The following ZFHX3 variants were observed in gnomAD, a reference collection of about 807,000 sequenced individuals.
The protein encoded by ZFHX3 is zinc finger homeobox protein 3.
In ZFHX3, 42 loss-of-function variants were observed where a neutral mutation model predicts 279.1. That is an observed-to-expected ratio of 0.15 (90% CI 0.12 to 0.19). The LOEUF (loss-of-function observed/expected upper bound fraction) is 0.19, where lower values mean the gene tolerates loss of function less well. Among genes scored for constraint, ZFHX3 ranks in the 10% least tolerant of loss-of-function variants. ZFHX3 has a pLI of 1.00. For missense variants in ZFHX3, 4,981 were observed against 4,754.0 expected (o/e 1.05, Z -1.40); for synonymous variants, 2,293 against 1,957.8 (o/e 1.17, Z -4.52).
intron 1 of ZFHX3, among the ~76,000 whole-genome samples, chr16:73,754,346 C>T (rs1430366051): frequency 1.3e-5 from 2 of 152,130 alleles, no homozygotes; most frequent in Non-Finnish European, 2.9e-5. Flanking sequence ...GAGGGTGACA[C>T]AGGCTAGAGA....
intron 5 of ZFHX3, among the ~76,000 whole-genome samples, chr16:73,164,694 T>C (rs997342554): frequency 6.3e-5 from 9 of 143,432 alleles, no homozygotes; most frequent in African/African-American, 2.5e-4. Context: ...AGTGAGACTC[T>C]GTTGAAAAAA....
intron 1 of ZFHX3, among the ~76,000 whole-genome samples, chr16:73,042,367 C>T (rs1395018711): frequency 3.3e-5 from 5 of 152,040 alleles, no homozygotes; most frequent in Admixed American, 2.6e-4. Flanking sequence ...AAATGGGCAC[C>T]GGGGACCATC....
intron 2 of ZFHX3, among the ~76,000 whole-genome samples, chr16:73,572,229 T>C (rs1035903324): frequency 2.0e-5 from 3 of 151,828 alleles, no homozygotes; most frequent in Admixed American, 6.6e-5. Context: ...CTGATAACAT[T>C]ACAATAAGGT....
chr16:73,706,292 C>T (rs913535758), intron 1 of ZFHX3, among the ~76,000 whole-genome samples: 7 of 151,908 alleles, frequency 4.6e-5, no homozygotes, highest in African/African-American at 1.7e-4. Context: ...GAAACCCCAT[C>T]TCTCCTAAAG....
intron 1 of ZFHX3, among the ~76,000 whole-genome samples, chr16:73,839,248 G>C (rs935365353): frequency 7.1e-6 from 1 of 141,478 alleles, no homozygotes; most frequent in Non-Finnish European, 1.5e-5. Flanking sequence ...TGTATTCCCA[G>C]CTACTTGGGA....
Position 73,518,043 on chromosome 16 carries a change from C to T in ZFHX3, c.-1546-61785G>A, listed in dbSNP as rs74491274. Reference sequence around the variant, plus strand: ...TCAACGTAAACAAATTATTGAGATGCTAACTTTCTTTGGTGCTAAGTTTTT... The same window carrying T: ...TCAACGTAAACAAATTATTGAGATGTTAACTTTCTTTGGTGCTAAGTTTTT... On this transcript the variant is annotated intron_variant, in intron 2 of 17. Transcript: ENST00000641206. 6.1e-3 allele frequency among the ~76,000 whole-genome samples: 924 copies of T among 152,232 alleles called. 15 individuals are homozygous for T. The highest frequency in any genetic ancestry group is 0.021 in the African/African-American group (860 of 41,542).
intron 5 of ZFHX3, among the ~76,000 whole-genome samples, chr16:73,148,555 CTTTTTTTTTTTTTT>C (rs36018349): frequency 1.3e-4 from 7 of 55,414 alleles, no homozygotes; most frequent in East Asian, 7.4e-4. Context: ...AAATGCTGGG[CTTTTTTTTTTTTTT>C]TTTTTTTTTT....
At chr16:73,650,977 A>C (rs753823657) in intron 2 of ZFHX3, among the ~76,000 whole-genome samples, 7 of 152,246 alleles carry the variant, frequency 4.6e-5, no homozygotes, top group Non-Finnish European at 4.4e-5. Flanking sequence ...TATAAGGCAC[A>C]GTTTATAAGA....
chr16:73,449,321 C>T (rs966978222), intron 3 of ZFHX3, among the ~76,000 whole-genome samples: 4 of 152,128 alleles, frequency 2.6e-5, no homozygotes, highest in Non-Finnish European at 5.9e-5. Flanking sequence ...CATTCTTAGG[C>T]ATGCGCAAGA....
intron 1 of ZFHX3, among the ~76,000 whole-genome samples, chr16:73,685,021 TA>T (rs112988155): frequency 0.86 from 125,763 of 145,842 alleles, 53,229 homozygotes; most frequent in East Asian, 0.91. Flanking sequence ...TTTTATTTAT[TA>T]TTATTTTTTT....
intron 7 of ZFHX3, among the ~76,000 whole-genome samples, chr16:73,096,964 A>G (rs1469852278): frequency 1.3e-5 from 2 of 152,192 alleles, no homozygotes; most frequent in Non-Finnish European, 2.9e-5. Context: ...AAACGGCCAC[A>G]GGGAAAGCCA....
chr16:72,966,580 T>C (rs1262957160), intron 1 of ZFHX3, among the ~76,000 whole-genome samples: 1 of 152,198 alleles, frequency 6.6e-6, no homozygotes, highest in African/African-American at 2.4e-5. Flanking sequence ...GCGTGAATAA[T>C]GTTAGGAACC....
intron 5 of ZFHX3, among the ~76,000 whole-genome samples, chr16:73,217,471 C>G (rs556165994): frequency 6.6e-6 from 1 of 152,052 alleles, no homozygotes; most frequent in Non-Finnish European, 1.5e-5. Flanking sequence ...AAAAGGGCAG[C>G]CTGGCCCTAC....
At chr16:73,192,682 C>T (rs1057344654) in intron 5 of ZFHX3, among the ~76,000 whole-genome samples, 5 of 152,264 alleles carry the variant, frequency 3.3e-5, no homozygotes, top group Middle Eastern at 3.4e-3. Context: ...GCCCGTGGAG[C>T]ACCACTCCAG....
chr16:73,870,147 T>C (rs562733148), intron 1 of ZFHX3, among the ~76,000 whole-genome samples: 2 of 152,348 alleles, frequency 1.3e-5, no homozygotes, highest in African/African-American at 4.8e-5. Flanking sequence ...ATATGTCATC[T>C]TTAGGGATAA....
intron 4 of ZFHX3, among the ~76,000 whole-genome samples, chr16:72,865,398 G>C (rs767743335): frequency 3.3e-5 from 5 of 152,206 alleles, no homozygotes; most frequent in Admixed American, 2.0e-4. Flanking sequence ...GAGTGCCATG[G>C]ATCTGTCTTC....
At chr16:73,803,089 C>G (rs1348041173) in intron 1 of ZFHX3, among the ~76,000 whole-genome samples, 1 of 152,182 alleles carries the variant, frequency 6.6e-6, no homozygotes, top group Non-Finnish European at 1.5e-5. Context: ...GCATGAGCCA[C>G]CGTACCAGGA....
intron 5 of ZFHX3, among the ~76,000 whole-genome samples, chr16:73,231,779 T>C (rs189628671): frequency 6.6e-5 from 10 of 152,312 alleles, no homozygotes; most frequent in Non-Finnish European, 1.5e-4. Flanking sequence ...CCTGTATTCT[T>C]TTCTCTCTGT....
intron 4 of ZFHX3, among the ~76,000 whole-genome samples, chr16:73,285,716 T>C (rs552298063): frequency 1.5e-3 from 232 of 152,352 alleles, no homozygotes; most frequent in African/African-American, 5.3e-3. Flanking sequence ...TTTACACTTT[T>C]TATTTAAGCC....
Sources: gnomAD v4.1 joint callset for allele counts (sites outside exome capture counted in the v4.1 genomes callset) on GRCh38, gnomAD v4.1.1 for gene constraint, MANE v1.5 for transcripts, NCBI Gene and HGNC (gene_info 2026-07-23, HGNC 2026-07-21) for gene names.